BTG3: variants seen among roughly 807,000 people sequenced by gnomAD.
BTG3 encodes BTG anti-proliferation factor 3, also known as protein BTG3.
A neutral mutation model predicts 25.8 loss-of-function variants in BTG3; 4 were observed. That is an observed-to-expected ratio of 0.16 (90% CI 0.08 to 0.36). The LOEUF (loss-of-function observed/expected upper bound fraction) is 0.36, where lower values mean the gene tolerates loss of function less well. BTG3 is among the 10% of genes least tolerant of loss of function. The probability of loss-of-function intolerance (pLI) is 1.00; values close to 1 mark genes in which losing one functional copy is unlikely to be tolerated. For synonymous variants in BTG3, 107 were observed against 99.9 expected, an observed-to-expected ratio of 1.07 and a Z score of -0.42; for missense variants, 201 against 304.9, an observed-to-expected ratio of 0.66 and a Z score of 2.54.
chr21:17,605,083 T>C (rs2061621791), intron 2 of BTG3, 86 bp from the exon 3 acceptor site: 1 of 1,421,690 alleles, frequency 7.0e-7, no homozygotes, highest in Non-Finnish European at 9.5e-7. Context: ...CCAAGGTGAG[T>C]AATAAAATAG....
At chr21:17,610,837 C>T (rs2061711029) in intron 1 of BTG3, among the ~76,000 whole-genome samples, 1 of 152,238 alleles carries the variant, frequency 6.6e-6, no homozygotes, top group African/African-American at 2.4e-5. Flanking sequence ...GCTTTCTTTT[C>T]TCAAACTGCT....
At chr21:17,599,642 G>A (rs2061547773) in intron 3 of BTG3, among the ~76,000 whole-genome samples, 1 of 152,056 alleles carries the variant, frequency 6.6e-6, no homozygotes, top group Admixed American at 6.6e-5. Flanking sequence ...ACCACGCCCA[G>A]CTAATTTTTG....
chr21:17,605,597 C>T (rs2123466524), intron 2 of BTG3, among the ~76,000 whole-genome samples: 1 of 152,310 alleles, frequency 6.6e-6, no homozygotes, highest in African/African-American at 2.4e-5. Flanking sequence ...CATTTAACTT[C>T]TATTTACCCA....
intron 3 of BTG3, chr21:17,604,278 T>C (rs2061610227): frequency 1.1e-5 from 3 of 276,750 alleles, no homozygotes; most frequent in Non-Finnish European, 1.4e-5. Flanking sequence ...CCATCTCTAC[T>C]ACAAATATAA....
intron 1 of BTG3, among the ~76,000 whole-genome samples, chr21:17,610,458 T>G (rs1402022187): frequency 6.6e-6 from 1 of 152,190 alleles, no homozygotes; most frequent in African/African-American, 2.4e-5. Flanking sequence ...TCAGGACATA[T>G]TTAAGAAATG....
chr21:17,601,749 G>A (rs1039185895), intron 3 of BTG3, among the ~76,000 whole-genome samples: 3 of 152,130 alleles, frequency 2.0e-5, no homozygotes, highest in African/African-American at 7.2e-5. Context: ...CCTATCTTCA[G>A]TTTTGCCCAT....
rs989662931 is a variant in BTG3 at position 17,612,885 on chromosome 21, C to G, written c.-195G>C. ...CGCGTTGAGAGGACTGGCGGGCGGACGAGCGCGCACACGAGTGAGCGCAGC... is the reference window on the plus strand; with the variant it reads ...CGCGTTGAGAGGACTGGCGGGCGGAGGAGCGCGCACACGAGTGAGCGCAGC... On this transcript the variant is annotated 5_prime_UTR_variant, in exon 1 of 5. Coordinates refer to ENST00000348354, the MANE Select transcript of BTG3 (RefSeq NM_006806.5). 3 of 151,936 alleles carry G rather than the reference C, an allele frequency of 2.0e-5. No individual in the cohort carries two copies. Among genetic ancestry groups the G allele is most frequent in the African/African-American group, 4.8e-5 (2 of 41,402 alleles). 9.4% of individuals were successfully genotyped at this position (151,936 alleles called of 1,614,324 possible). A position where few individuals can be genotyped will look rare whatever the true frequency, so the allele number is the denominator to read the frequency against.
rs1001928782 is a variant in BTG3 at position 17,603,632 on chromosome 21, G to A, written c.311+1228C>T. 9.2e-5 allele frequency among the ~76,000 whole-genome samples: 14 copies of A among 152,310 alleles called. 1 individual carries two copies. Among genetic ancestry groups the A allele is most frequent in the African/African-American group, 3.4e-4 (14 of 41,576 alleles). ...CAATAAAGAGGCCAGGTGGTCAGGTGAATTGTACCTCAAAACCAAATAGAA... is the reference window on the plus strand; with the variant it reads ...CAATAAAGAGGCCAGGTGGTCAGGTAAATTGTACCTCAAAACCAAATAGAA... On this transcript the variant is annotated intron_variant, in intron 3 of 4. Coordinates refer to ENST00000348354, the MANE Select transcript of BTG3 (RefSeq NM_006806.5).
At chr21:17,598,334 T>A (rs2061530196) in intron 4 of BTG3, among the ~76,000 whole-genome samples, 1 of 152,232 alleles carries the variant, frequency 6.6e-6, no homozygotes, top group African/African-American at 2.4e-5. Context: ...AATGAGATTT[T>A]AAAATATCAG....
chr21:17,595,952 C>T (rs2061498660), intron 4 of BTG3, among the ~76,000 whole-genome samples: 1 of 151,948 alleles, frequency 6.6e-6, no homozygotes, highest in Non-Finnish European at 1.5e-5. Context: ...TGCTGTCAGG[C>T]TTTTAAATTG....
intron 2 of BTG3, among the ~76,000 whole-genome samples, chr21:17,608,354 C>CA (rs1236331722): frequency 1.1e-4 from 16 of 148,564 alleles, no homozygotes; most frequent in African/African-American, 4.0e-4. Context: ...GACTGGGTGA[C>CA]AGAGCAAAAA....
chr21:17,608,912 C>A, intron 2 of BTG3, 60 bp downstream of exon 2: 1 of 1,512,572 alleles, frequency 6.6e-7, no homozygotes, highest in East Asian at 2.3e-5. Context: ...TTCAATCATC[C>A]GGCCTTGAAC....
chr21:17,594,422 C>A, intron 4 of BTG3, 90 bp from the exon 5 acceptor site: 1 of 1,429,870 alleles, frequency 7.0e-7, no homozygotes, highest in East Asian at 2.3e-5. Context: ...CAAAGTTACC[C>A]ACAACACTGA....
chr21:17,605,202 T>G, intron 2 of BTG3: 1 of 520,422 alleles, frequency 1.9e-6, no homozygotes, highest in Non-Finnish European at 3.2e-6. Flanking sequence ...GGCACCTATG[T>G]GAGCCCAAGG....
At chr21:17,599,549 C>T (rs1218400706) in intron 3 of BTG3, among the ~76,000 whole-genome samples, 1 of 149,400 alleles carries the variant, frequency 6.7e-6, no homozygotes, top group Non-Finnish European at 1.5e-5. Flanking sequence ...GCAATCTCGG[C>T]CCACTACAAT....
chr21:17,606,357 C>T (rs991374869), intron 2 of BTG3, among the ~76,000 whole-genome samples: 12 of 152,196 alleles, frequency 7.9e-5, no homozygotes, highest in African/African-American at 2.6e-4. Context: ...CCTGTATATA[C>T]GTACCTATCT....
chr21:17,604,117 A>G, intron 3 of BTG3: 7 of 1,282,280 alleles, frequency 5.5e-6, no homozygotes, highest in Non-Finnish European at 6.1e-6. Context: ...ATAAAAATAA[A>G]ACCACGAAGT....
intron 4 of BTG3, among the ~76,000 whole-genome samples, chr21:17,595,879 T>C (rs909400297): frequency 2.6e-5 from 4 of 152,146 alleles, no homozygotes; most frequent in Admixed American, 1.3e-4. Context: ...AAAGTAGTGG[T>C]ACTATTTTAC....
Position 17,609,067 on chromosome 21 carries a change from T to G in BTG3, c.78A>C (p.Ala26=). 6.2e-7 allele frequency: 1 copy of G among 1,614,150 alleles called. No individual in the cohort carries two copies. The highest frequency in any genetic ancestry group is 1.1e-5 in the South Asian group (1 of 91,072). The part of the protein sequence containing the change: ...VRKHDKLKKE[A]VERFAEKLTL... ...TCAATTTCTCAGCAAACCTCTCAAC[T>G]GCCTCTTTTTTCAACTTATCATGTT... The change falls in exon 2 of 5, where the codon GCA becomes GCC. Residue 26 remains alanine, a synonymous_variant. Coordinates refer to ENST00000348354, the MANE Select transcript of BTG3 (RefSeq NM_006806.5).
Sources: allele counts gnomAD v4.1 joint callset (sites outside exome capture counted in the v4.1 genomes callset), GRCh38; gene constraint gnomAD v4.1.1; transcripts MANE v1.5; gene names NCBI Gene and HGNC (gene_info 2026-07-23, HGNC 2026-07-21).